Variants in HLCS observed in about 807,000 individuals in gnomAD.
HLCS encodes the protein biotin--protein ligase.
Under a neutral mutation model 75.0 loss-of-function variants are expected in HLCS, and 53 were observed. The ratio of observed to expected loss-of-function variants is 0.71; its 90% CI spans 0.57 to 0.89. The LOEUF (loss-of-function observed/expected upper bound fraction) is 0.89. HLCS is among the 40% of genes least tolerant of loss of function. The pLI is 0.00. For missense variants in HLCS, 966 were observed against 1,074.0 expected (o/e 0.90, Z 1.41); for synonymous variants, 431 against 428.6 (o/e 1.01, Z -0.07).
At chr21:36,813,762 G>T (rs2061579699) in intron 6 of HLCS, among the ~76,000 whole-genome samples, 1 of 152,104 alleles carries the variant, frequency 6.6e-6, no homozygotes. Context: ...TCCATCATCT[G>T]GAAGTACCTA....
intron 5 of HLCS, among the ~76,000 whole-genome samples, chr21:36,924,983 A>G (rs1331104252): frequency 6.6e-6 from 1 of 152,200 alleles, no homozygotes; most frequent in African/African-American, 2.4e-5. Context: ...AATTTAAAAA[A>G]AAGTAACATA....
At chr21:36,772,638 C>CAA (rs34788426) in intron 6 of HLCS, among the ~76,000 whole-genome samples, 1,963 of 80,764 alleles carry the variant, frequency 0.024, 62 homozygotes, top group African/African-American at 0.075. Context: ...GACACTGTCT[C>CAA]AAAAAAAAAA....
chr21:36,892,989 G>C (rs947385859), intron 6 of HLCS, among the ~76,000 whole-genome samples: 2 of 152,120 alleles, frequency 1.3e-5, no homozygotes, highest in African/African-American at 4.8e-5. Context: ...TGCCCAGGCT[G>C]GTCTCAAACT....
rs562178168 is a variant in HLCS at position 36,802,816 on chromosome 21, G to A, written c.1893-35531C>T. On this transcript the variant is annotated intron_variant, in intron 6 of 10. Coordinates refer to ENST00000674895, the MANE Select transcript of HLCS (RefSeq NM_001352514.2). ...AGGCACGATCCCCACACAATTCAAC[G>A]GAACAGCCTGAGAGCAGGCTTTCAC... 2.4e-4 allele frequency among the ~76,000 whole-genome samples: 37 copies of A among 152,274 alleles called. 1 individual carries two copies. The highest frequency in any genetic ancestry group is 9.2e-4 in the Admixed American group (14 of 15,296).
At chr21:36,793,935 T>C (rs527413732) in intron 6 of HLCS, among the ~76,000 whole-genome samples, 2 of 152,320 alleles carry the variant, frequency 1.3e-5, no homozygotes, top group Non-Finnish European at 2.9e-5. Context: ...CAGGAGGATA[T>C]ACCAAGTTAG....
intron 1 of HLCS, among the ~76,000 whole-genome samples, chr21:36,973,199 C>T (rs1295819680): frequency 6.6e-6 from 1 of 150,942 alleles, no homozygotes; most frequent in Admixed American, 6.6e-5. Flanking sequence ...CACTGGTCTC[C>T]AGCCTCAGCG....
chr21:36,924,008 G>T (rs2845815), intron 5 of HLCS, among the ~76,000 whole-genome samples: 1 of 152,140 alleles, frequency 6.6e-6, no homozygotes, highest in Non-Finnish European at 1.5e-5. Context: ...TAAAACAGCC[G>T]CACAAGACCA....
At chr21:36,851,136 T>G (rs1287906590) in intron 6 of HLCS, among the ~76,000 whole-genome samples, 4 of 152,198 alleles carry the variant, frequency 2.6e-5, no homozygotes, top group Non-Finnish European at 4.4e-5. Flanking sequence ...GCCTTCTACA[T>G]TTCAATAGAG....
Position 36,918,561 on chromosome 21 carries a change from G to A in HLCS, c.1620+11690C>T, listed in dbSNP as rs73387825. ...TGGGTCAAAGGCTAAACATCAACCC[G>A]AGCTGAAAGCATACAGAACAAAAAT... On this transcript the variant is annotated intron_variant, in intron 5 of 10. Transcript: ENST00000674895. 6.8e-3 allele frequency among the ~76,000 whole-genome samples: 1,041 copies of A among 152,262 alleles called. 10 individuals carry two copies. The highest frequency in any genetic ancestry group is 0.024 in the African/African-American group (992 of 41,552).
At chr21:36,922,424 T>C (rs1328048326) in intron 5 of HLCS, among the ~76,000 whole-genome samples, 1 of 152,148 alleles carries the variant, frequency 6.6e-6, no homozygotes, top group East Asian at 1.9e-4. Context: ...AGGGATAATG[T>C]AGAATTGTAC....
At chr21:36,924,592 T>C (rs1427924475) in intron 5 of HLCS, among the ~76,000 whole-genome samples, 1 of 152,030 alleles carries the variant, frequency 6.6e-6, no homozygotes, top group African/African-American at 2.4e-5. Flanking sequence ...GAAAAATACA[T>C]AAGCCTCTTC....
At chr21:36,968,427 A>AT (rs1039175633), upstream of HLCS, 15 of 152,222 alleles carry the variant, frequency 9.9e-5, no homozygotes, top group Non-Finnish European at 1.9e-4. Context: ...ATAGCGATAG[A>AT]TTTTTAAAAG....
At chr21:36,812,800 T>C (rs2061550226) in intron 6 of HLCS, among the ~76,000 whole-genome samples, 1 of 152,206 alleles carries the variant, frequency 6.6e-6, no homozygotes, top group Non-Finnish European at 1.5e-5. Context: ...GGCTCCCACC[T>C]GTAATCCCAG....
At chr21:36,867,685 G>C (rs974643602) in intron 6 of HLCS, among the ~76,000 whole-genome samples, 2 of 152,208 alleles carry the variant, frequency 1.3e-5, no homozygotes, top group African/African-American at 2.4e-5. Context: ...CTGGGTCTCT[G>C]AATGACTGCA....
At chr21:36,987,447 TAC>T in intron 1 of HLCS, among the ~76,000 whole-genome samples, 1 of 152,132 alleles carries the variant, frequency 6.6e-6, no homozygotes, top group African/African-American at 2.4e-5. Flanking sequence ...ACCCTGTCTC[TAC>T]TAAAAATACA....
At chr21:36,781,042 G>T (rs8134332) in intron 6 of HLCS, among the ~76,000 whole-genome samples, 1 of 147,230 alleles carries the variant, frequency 6.8e-6, no homozygotes, top group Non-Finnish European at 1.5e-5. Flanking sequence ...CACAGCTCAC[G>T]TTACCACCTG....
intron 6 of HLCS, among the ~76,000 whole-genome samples, chr21:36,888,432 TAAAAAAAAA>T (rs1191691491): frequency 4.2e-5 from 1 of 23,776 alleles, no homozygotes; most frequent in East Asian, 1.4e-3. Flanking sequence ...CCTTCCCATT[TAAAAAAAAA>T]AAAAATATAT....
At chr21:36,873,245 G>A (rs2063835010) in intron 6 of HLCS, among the ~76,000 whole-genome samples, 3 of 152,010 alleles carry the variant, frequency 2.0e-5, no homozygotes, top group South Asian at 2.1e-4. Flanking sequence ...AGCCTCCCCA[G>A]TAGCTGGGAC....
chr21:36,938,673 G>T (rs552822393), intron 3 of HLCS, among the ~76,000 whole-genome samples, 159 bp downstream of exon 3: 29 of 152,176 alleles, frequency 1.9e-4, no homozygotes, highest in African/African-American at 5.3e-4. Context: ...TAATTTTTTT[G>T]TTTGTTTGTT....
Sources: allele counts gnomAD v4.1 joint callset (sites outside exome capture counted in the v4.1 genomes callset), GRCh38; gene constraint gnomAD v4.1.1; transcripts MANE v1.5; gene names NCBI Gene and HGNC (gene_info 2026-07-23, HGNC 2026-07-21).